FAF1: variants seen among roughly 807,000 people sequenced by gnomAD.
FAF1 encodes the protein Fas associated factor 1, also known as FAS-associated factor 1.
In FAF1, 25 loss-of-function variants were observed where a neutral mutation model predicts 92.5. The observed-to-expected ratio is 0.27, with a 90% confidence interval of 0.20 to 0.38. The LOEUF (loss-of-function observed/expected upper bound fraction) is 0.38, where lower values mean the gene tolerates loss of function less well. Among genes scored for constraint, FAF1 ranks in the 10% least tolerant of loss-of-function variants. The probability of loss-of-function intolerance (pLI) is 1.00; values close to 1 mark genes in which losing one functional copy is unlikely to be tolerated. For synonymous variants in FAF1, 234 were observed against 273.2 expected, an observed-to-expected ratio of 0.86 and a Z score of 1.42; for missense variants, 636 against 793.3, an observed-to-expected ratio of 0.80 and a Z score of 2.38.
intron 18 of FAF1, among the ~76,000 whole-genome samples, chr1:50,444,753 T>C (rs1229540369): frequency 1.3e-5 from 2 of 152,206 alleles, no homozygotes; most frequent in Admixed American, 6.5e-5. Context: ...AACAGCTCAG[T>C]GAAATAGGTA....
At chr1:50,676,025 C>A (rs1656102113) in intron 7 of FAF1, among the ~76,000 whole-genome samples, 1 of 152,180 alleles carries the variant, frequency 6.6e-6, no homozygotes, top group Non-Finnish European at 1.5e-5. Context: ...CTTCAAAAAT[C>A]AGTGGGTCTT....
intron 1 of FAF1, among the ~76,000 whole-genome samples, chr1:50,892,691 TCTATAAC>T (rs1196115538): frequency 1.3e-5 from 2 of 152,192 alleles, no homozygotes; most frequent in Non-Finnish European, 2.9e-5. Flanking sequence ...AGCTTGGTGT[TCTATAAC>T]CATTTTTTAA....
chr1:50,699,835 C>A (rs983297193), intron 7 of FAF1, among the ~76,000 whole-genome samples: 2 of 152,100 alleles, frequency 1.3e-5, no homozygotes, highest in Admixed American at 1.3e-4. Flanking sequence ...ACAGTGATAA[C>A]TTTATGAAAG....
intron 12 of FAF1, among the ~76,000 whole-genome samples, chr1:50,575,732 AAC>A (rs1650700972): frequency 6.6e-6 from 1 of 152,244 alleles, no homozygotes; most frequent in Non-Finnish European, 1.5e-5. Flanking sequence ...TGGAAAAAAT[AAC>A]ACAGACAAGA....
chr1:50,901,920 G>A (rs1002133363), intron 1 of FAF1, among the ~76,000 whole-genome samples: 3 of 152,136 alleles, frequency 2.0e-5, no homozygotes, highest in Admixed American at 2.0e-4. Context: ...TGGTTTAGAA[G>A]TACTATAAGC....
At chr1:50,700,278 G>A (rs1237645050) in intron 7 of FAF1, among the ~76,000 whole-genome samples, 1 of 151,814 alleles carries the variant, frequency 6.6e-6, no homozygotes, top group African/African-American at 2.4e-5. Flanking sequence ...TAATTTACTT[G>A]CACCAAATCC....
intron 15 of FAF1, among the ~76,000 whole-genome samples, chr1:50,515,405 T>C (rs1247177289): frequency 6.6e-6 from 1 of 152,148 alleles, no homozygotes; most frequent in Non-Finnish European, 1.5e-5. Context: ...TTAAGATACA[T>C]AGAAATCACT....
intron 7 of FAF1, among the ~76,000 whole-genome samples, chr1:50,684,533 A>T (rs1015355339): frequency 5.9e-5 from 9 of 152,168 alleles, no homozygotes; most frequent in Non-Finnish European, 1.0e-4. Flanking sequence ...TTACAGACAT[A>T]CAACCAATGA....
chr1:50,626,504 A>G (rs1222209575), intron 8 of FAF1, among the ~76,000 whole-genome samples: 2 of 152,216 alleles, frequency 1.3e-5, no homozygotes, highest in Admixed American at 1.3e-4. Flanking sequence ...GTACCTCAGA[A>G]GAACTCTCAG....
intron 13 of FAF1, among the ~76,000 whole-genome samples, chr1:50,549,866 C>T (rs1400184476): frequency 6.6e-6 from 1 of 152,152 alleles, no homozygotes; most frequent in Non-Finnish European, 1.5e-5. Flanking sequence ...ATCGATCCTT[C>T]TAAGTAACTG....
At chr1:50,573,591 C>T (rs533017483) in intron 12 of FAF1, among the ~76,000 whole-genome samples, 2 of 152,156 alleles carry the variant, frequency 1.3e-5, no homozygotes, top group Admixed American at 6.5e-5. Context: ...AAAACTTAGC[C>T]CTGTTTAGCT....
intron 1 of FAF1, among the ~76,000 whole-genome samples, chr1:50,891,996 T>G (rs1388005888): frequency 2.0e-5 from 3 of 152,296 alleles, no homozygotes; most frequent in African/African-American, 7.2e-5. Flanking sequence ...TGAGCTGCAG[T>G]GGGGTCCACC....
intron 15 of FAF1, among the ~76,000 whole-genome samples, chr1:50,516,235 C>T (rs1307092748): frequency 6.6e-6 from 1 of 152,174 alleles, no homozygotes; most frequent in Admixed American, 6.5e-5. Context: ...CTTCCATTTA[C>T]CCAGGGCCTA....
At chr1:50,793,587 C>T (rs1363224551) in intron 3 of FAF1, among the ~76,000 whole-genome samples, 1 of 152,072 alleles carries the variant, frequency 6.6e-6, no homozygotes, top group Non-Finnish European at 1.5e-5. Context: ...AGGACTGTAA[C>T]GTAAGAAGGG....
intron 4 of FAF1, among the ~76,000 whole-genome samples, chr1:50,755,829 G>A (rs1190183803): frequency 6.6e-6 from 1 of 152,188 alleles, no homozygotes; most frequent in Non-Finnish European, 1.5e-5. Context: ...TGTACCCTCT[G>A]AAGCCACAGC....
intron 4 of FAF1, among the ~76,000 whole-genome samples, chr1:50,749,497 A>C (rs1390370463): frequency 2.0e-5 from 3 of 152,102 alleles, no homozygotes; most frequent in Admixed American, 6.6e-5. Context: ...TATTTTAAAA[A>C]TTACTCTCTA....
intron 7 of FAF1, among the ~76,000 whole-genome samples, chr1:50,658,094 A>T (rs1655205521): frequency 6.6e-6 from 1 of 152,218 alleles, no homozygotes; most frequent in African/African-American, 2.4e-5. Flanking sequence ...TTAACGAGAA[A>T]GGTGTTCCAC....
chr1:50,786,243 G>GAT (rs1383861943), intron 4 of FAF1, among the ~76,000 whole-genome samples: 5 of 152,062 alleles, frequency 3.3e-5, no homozygotes, highest in Non-Finnish European at 2.9e-5. Context: ...AAAAAAATGT[G>GAT]ATATATACAC....
rs1646145942 is a variant in FAF1 at position 50,438,639 on chromosome 1, C to A, written c.*2801G>T. On this transcript the variant is annotated 3_prime_UTR_variant, in exon 19 of 19. Transcript: ENST00000396153. ...GAGAATTAAGACCCTCTCCCACATT[C>A]AAATGAAAAAGTCTATACTTTGGGG... The A allele has an allele frequency of 6.6e-6, 1 of 152,168 alleles. No homozygotes were observed. Among genetic ancestry groups the A allele is most frequent in the East Asian group, 1.9e-4 (1 of 5,198 alleles). The allele number at this position is 152,168 out of a possible 1,614,324, so 9.4% of individuals were successfully genotyped here.
Sources: allele counts gnomAD v4.1 joint callset (sites outside exome capture counted in the v4.1 genomes callset), GRCh38; gene constraint gnomAD v4.1.1; transcripts MANE v1.5; gene names NCBI Gene and HGNC (gene_info 2026-07-23, HGNC 2026-07-21).